Variants in TANC1 observed in about 807,000 individuals in gnomAD.
TANC1 encodes tetratricopeptide repeat, ankyrin repeat and coiled-coil containing 1.
A neutral mutation model predicts 149.7 loss-of-function variants in TANC1; 77 were observed. The observed-to-expected ratio is 0.51, with a 90% CI of 0.43 to 0.62. The LOEUF (loss-of-function observed/expected upper bound fraction) is 0.62. TANC1 is among the 20% of genes least tolerant of loss of function. The pLI is 0.00. For missense variants in TANC1, 1,985 were observed against 2,321.8 expected, an observed-to-expected ratio of 0.85 and a Z score of 2.98; for synonymous variants, 854 against 925.0, an observed-to-expected ratio of 0.92 and a Z score of 1.39.
At chr2:159,032,464 C>G (rs1156920802) in intron 2 of TANC1, among the ~76,000 whole-genome samples, 1 of 152,104 alleles carries the variant, frequency 6.6e-6, no homozygotes, top group Non-Finnish European at 1.5e-5. Flanking sequence ...TTCTTGGTGC[C>G]CAGGGTCACC....
chr2:159,229,554 GT>G, intron 26 of TANC1, 23 bp from the exon 27 acceptor site: 1 of 1,574,724 alleles, frequency 6.4e-7, no homozygotes, highest in Non-Finnish European at 8.7e-7. Context: ...GGTTTGTAAT[GT>G]TACCTTACAT....
chr2:159,151,898 A>G lies in TANC1; in HGVS notation c.682+1342A>G, dbSNP rs372773873. ...TTTGAACCATTTGACGGTTTTTAGT[A>G]TATTTTAAAAGTTGTGCAACTGTCA... is the stretch of plus-strand genomic sequence containing the variant. On this transcript the variant is annotated intron_variant, in intron 7 of 26. Transcript: ENST00000263635. Among the ~76,000 whole-genome samples the G allele has an allele frequency of 2.0e-5, 3 of 152,350 alleles. No individual in the cohort carries two copies. In the East Asian group the frequency reaches 5.8e-4, roughly 29 times the overall value.
chr2:159,175,108 C>T lies in TANC1; in HGVS notation c.1659C>T (p.Ser553=). The part of the protein sequence containing the change: ...IKEPQLQSML[S]LRSCVQDPVA... ...AGCCCCAACTACAGAGCATGCTGAG[C>T]CTCCGATCCTGTGTGCAGGACCCGG... Residue 553 remains serine, a synonymous_variant, in exon 12 of 27, where the codon AGC becomes AGT. Coordinates refer to ENST00000263635, the MANE Select transcript of TANC1 (RefSeq NM_033394.3). 1.2e-6 allele frequency: 2 copies of T among 1,614,178 alleles called. No individual in the cohort carries two copies. Among genetic ancestry groups the T allele is most frequent in the South Asian group, 2.2e-5 (2 of 91,082 alleles).
intron 7 of TANC1, among the ~76,000 whole-genome samples, chr2:159,156,045 C>T (rs1011609165): frequency 1.3e-5 from 2 of 152,200 alleles, no homozygotes; most frequent in Non-Finnish European, 2.9e-5. Flanking sequence ...GATGCAGAGG[C>T]ACACAAAGAT....
At chr2:159,004,785 C>T (rs1299837772) in intron 2 of TANC1, among the ~76,000 whole-genome samples, 2 of 151,980 alleles carry the variant, frequency 1.3e-5, no homozygotes, top group Non-Finnish European at 2.9e-5. Context: ...GACCCTAACC[C>T]AGGGGTGCTA....
intron 16 of TANC1, among the ~76,000 whole-genome samples, chr2:159,192,583 A>G (rs1003135618): frequency 3.9e-5 from 6 of 152,176 alleles, no homozygotes; most frequent in Admixed American, 3.9e-4. Flanking sequence ...TACCACCCAG[A>G]TATAATGAAT....
At chr2:159,164,960 C>G (rs2054431327) in intron 8 of TANC1, among the ~76,000 whole-genome samples, 1 of 152,244 alleles carries the variant, frequency 6.6e-6, no homozygotes, top group Admixed American at 6.5e-5. Context: ...CCTCCCACCA[C>G]TGTCCCACCA....
At chr2:159,186,855 C>CAGATCTGTCTCTGATTGTTTCCA in intron 15 of TANC1, 47 bp from the exon 16 acceptor site, 1 of 1,612,388 alleles carries the variant, frequency 6.2e-7, no homozygotes, top group Non-Finnish European at 8.5e-7. Context: ...GATGCTCAGG[C>CAGATCTGTCTCTGATTGTTTCCA]AGATCTGTCT....
chr2:159,028,899 A>C (rs1313928133), intron 2 of TANC1, among the ~76,000 whole-genome samples: 1 of 152,188 alleles, frequency 6.6e-6, no homozygotes, highest in Non-Finnish European at 1.5e-5. Context: ...GACTATAGGC[A>C]TGTGCTGCTA....
At chr2:159,101,335 A>T (rs1239807808) in intron 4 of TANC1, among the ~76,000 whole-genome samples, 1 of 152,224 alleles carries the variant, frequency 6.6e-6, no homozygotes, top group African/African-American at 2.4e-5. Flanking sequence ...GTAATAATAA[A>T]AATATGTATG....
intron 22 of TANC1, among the ~76,000 whole-genome samples, chr2:159,223,912 G>A (rs568190283): frequency 5.2e-4 from 79 of 152,266 alleles, no homozygotes; most frequent in African/African-American, 1.9e-3. Context: ...GAGATGCAAA[G>A]GTGACTATGT....
At chr2:159,110,728 A>G (rs1355495735) in intron 4 of TANC1, among the ~76,000 whole-genome samples, 2 of 152,138 alleles carry the variant, frequency 1.3e-5, no homozygotes, top group Non-Finnish European at 2.9e-5. Flanking sequence ...CCATGTCACC[A>G]TCTTCCCTGG....
At position 159,048,989 on chromosome 2, in the gene TANC1, A is replaced by G. The variant is rs552286004; in HGVS notation, c.-15-16907A>G. 2.0e-5 allele frequency among the ~76,000 whole-genome samples: 3 copies of G among 152,312 alleles called. No homozygotes were observed. In the South Asian group the frequency reaches 6.2e-4, roughly 32 times the overall value. Reference sequence around the variant, plus strand: ...GGATGGACTTTTGTGCTGTACCACAATGAACTGTAAATTGAGACCTGGCTG... The same window carrying G: ...GGATGGACTTTTGTGCTGTACCACAGTGAACTGTAAATTGAGACCTGGCTG... On this transcript the variant is annotated intron_variant, in intron 2 of 26. Transcript: ENST00000263635.
intron 2 of TANC1, among the ~76,000 whole-genome samples, chr2:159,065,640 G>GTT (rs34624412): frequency 0.066 from 8,934 of 136,172 alleles, 795 homozygotes; most frequent in African/African-American, 0.22. Context: ...ATGCACTATT[G>GTT]TTTTTTTTTT....
At chr2:159,150,129 A>G (rs2052612799) in intron 6 of TANC1, 1 of 402,164 alleles carries the variant, frequency 2.5e-6, no homozygotes. Context: ...ATAAAAAGGA[A>G]AATCACAAAG....
At chr2:159,094,706 G>T (rs933381636) in intron 3 of TANC1, among the ~76,000 whole-genome samples, 5 of 151,302 alleles carry the variant, frequency 3.3e-5, no homozygotes, top group African/African-American at 1.2e-4. Context: ...TGTGGTTCTG[G>T]GGATTGGTGA....
At chr2:159,111,907 AAT>A (rs1000854695) in intron 4 of TANC1, among the ~76,000 whole-genome samples, 4 of 152,192 alleles carry the variant, frequency 2.6e-5, no homozygotes, top group African/African-American at 9.7e-5. Flanking sequence ...ATCACAGAAA[AAT>A]ATATGCCCAT....
At chr2:159,183,961 C>T (rs1479279041) in intron 14 of TANC1, among the ~76,000 whole-genome samples, 1 of 152,134 alleles carries the variant, frequency 6.6e-6, no homozygotes, top group African/African-American at 2.4e-5. Context: ...CATAGAATCC[C>T]CCCGTCAGAC....
At chr2:158,999,538 A>G in intron 1 of TANC1, among the ~76,000 whole-genome samples, 1 of 152,194 alleles carries the variant, frequency 6.6e-6, no homozygotes, top group South Asian at 2.1e-4. Context: ...TACCTAAGCC[A>G]GTGTCAGCTG....
Sources: allele counts gnomAD v4.1 joint callset (sites outside exome capture counted in the v4.1 genomes callset), GRCh38; gene constraint gnomAD v4.1.1; transcripts MANE v1.5; gene names NCBI Gene and HGNC (gene_info 2026-07-23, HGNC 2026-07-21).